The following NRG2 variants were observed in gnomAD, a reference collection of about 807,000 sequenced individuals.
NRG2 encodes pro-neuregulin-2, membrane-bound isoform.
In NRG2, 27 loss-of-function variants were observed where a neutral mutation model predicts 73.9. That is an observed-to-expected ratio of 0.37 (90% confidence interval 0.27 to 0.50). The LOEUF is 0.50. NRG2 is among the 20% of genes least tolerant of loss of function. The pLI, the probability that NRG2 is intolerant of heterozygous loss-of-function variation, is 0.96. For synonymous variants in NRG2, 532 were observed against 541.0 expected (o/e 0.98, Z 0.23); for missense variants, 1,126 against 1,210.1 (o/e 0.93, Z 1.03).
rs142124970 is a variant in NRG2, at chr5:139,893,514, A to G, written c.701-6003T>C. 2.4e-4 allele frequency among the ~76,000 whole-genome samples: 36 copies of G among 152,294 alleles called. 1 individual carries two copies. In the East Asian group the frequency reaches 6.9e-3, roughly 29 times the overall value. ...CCAGCACTCTGCACCCATGGCCATT[A>G]CTGACACCCTGATCCCTGCAGCAGC... On this transcript the variant is annotated intron_variant, in intron 1 of 9. Transcript: ENST00000361474.
intron 5 of NRG2, chr5:139,864,978 G>T: frequency 2.6e-6 from 2 of 773,998 alleles, no homozygotes; most frequent in Non-Finnish European, 4.7e-6. Flanking sequence ...GGGGTGCCGG[G>T]GGTGTTTCCG....
At chr5:139,976,590 A>T (rs541707836) in intron 1 of NRG2, among the ~76,000 whole-genome samples, 2 of 152,320 alleles carry the variant, frequency 1.3e-5, no homozygotes, top group East Asian at 3.9e-4. Flanking sequence ...TAGCCCCTAA[A>T]TCCTCTGGGA....
rs1759093456 is a variant in NRG2, at chr5:140,008,561, G to A, written c.700+33809C>T. On this transcript the variant is annotated intron_variant, in intron 1 of 9. Transcript: ENST00000361474. This position sits in a 1 kb window ranked among gnomAD's most constrained non-coding sequence, Gnocchi z 4.2. ...GCTCATCTTTACCTGAGCTAGCTTG[G>A]GAGATTCTAACTTTGGCTTGTGACC... Among the ~76,000 whole-genome samples the A allele has an allele frequency of 6.6e-6, 1 of 152,106 alleles. No individual in the cohort carries two copies. Among genetic ancestry groups the A allele is most frequent in the African/African-American group, 2.4e-5 (1 of 41,388 alleles).
At chr5:140,016,894 G>A (rs1324094171) in intron 1 of NRG2, among the ~76,000 whole-genome samples, 1 of 152,200 alleles carries the variant, frequency 6.6e-6, no homozygotes, top group African/African-American at 2.4e-5. Flanking sequence ...AGATGTTGCT[G>A]ATGAAGTCAG....
chr5:140,040,905 T>C (rs565640134), intron 1 of NRG2, among the ~76,000 whole-genome samples: 3 of 152,188 alleles, frequency 2.0e-5, no homozygotes, highest in Non-Finnish European at 2.9e-5. Context: ...AGCGATAAAC[T>C]GCTGTTATCC....
chr5:139,885,985 A>AG, intron 2 of NRG2, among the ~76,000 whole-genome samples: 1 of 151,812 alleles, frequency 6.6e-6, no homozygotes, highest in East Asian at 1.9e-4. Context: ...GGCAGTGAGA[A>AG]GGGGTGGGGT....
At chr5:139,970,141 T>C (rs1197874888) in intron 1 of NRG2, among the ~76,000 whole-genome samples, 1 of 152,194 alleles carries the variant, frequency 6.6e-6, no homozygotes, top group Non-Finnish European at 1.5e-5. Flanking sequence ...GGTTTTGTAT[T>C]ACAAGAAGGC....
intron 1 of NRG2, among the ~76,000 whole-genome samples, chr5:140,036,760 T>C (rs1260009321): frequency 6.6e-6 from 1 of 152,240 alleles, no homozygotes; most frequent in African/African-American, 2.4e-5. Context: ...CTTTTACTTT[T>C]AGTGCAAATT....
chr5:139,849,441 G>A (rs1163786887), intron 9 of NRG2, among the ~76,000 whole-genome samples: 1 of 152,168 alleles, frequency 6.6e-6, no homozygotes, highest in Non-Finnish European at 1.5e-5. Context: ...CCCATGAGGT[G>A]TCTCTGCTTG....
chr5:139,893,560 G>A (rs952843993), intron 1 of NRG2, among the ~76,000 whole-genome samples: 7 of 152,176 alleles, frequency 4.6e-5, no homozygotes, highest in Non-Finnish European at 7.3e-5. Flanking sequence ...GAGACGAAAG[G>A]GGCAGGTGGC....
At chr5:139,885,699 G>A (rs1200741151) in intron 2 of NRG2, among the ~76,000 whole-genome samples, 1 of 151,920 alleles carries the variant, frequency 6.6e-6, no homozygotes, top group Non-Finnish European at 1.5e-5. Context: ...TGGTACCAGG[G>A]CTCTGTGGGT....
intron 5 of NRG2, among the ~76,000 whole-genome samples, chr5:139,864,448 G>A (rs1284052688): frequency 6.8e-6 from 1 of 146,952 alleles, no homozygotes; most frequent in East Asian, 2.0e-4. Context: ...GTTGAAGAAA[G>A]GAAGGGAATA....
chr5:139,992,909 C>T (rs1292016014), intron 1 of NRG2, among the ~76,000 whole-genome samples: 1 of 152,068 alleles, frequency 6.6e-6, no homozygotes, highest in Non-Finnish European at 1.5e-5. Flanking sequence ...TCTTAAACAC[C>T]ATGGTTTGGT....
At chr5:139,946,397 T>A (rs1405679073) in intron 1 of NRG2, among the ~76,000 whole-genome samples, 2 of 152,090 alleles carry the variant, frequency 1.3e-5, no homozygotes, top group Non-Finnish European at 2.9e-5. Context: ...TAACAAATTG[T>A]TCTGAGACAA....
chr5:139,909,389 G>T (rs577640863), intron 1 of NRG2, among the ~76,000 whole-genome samples: 3 of 152,156 alleles, frequency 2.0e-5, no homozygotes, highest in Admixed American at 2.0e-4. Context: ...CTGCAAGGGG[G>T]TCTTGGGAAC....
chr5:140,023,496 G>T (rs1760405840), intron 1 of NRG2, among the ~76,000 whole-genome samples: 1 of 151,942 alleles, frequency 6.6e-6, no homozygotes, highest in African/African-American at 2.4e-5. Flanking sequence ...TTACCTTTTT[G>T]CAATTATTAT....
rs1251779099 is a variant in NRG2, at chr5:139,869,051, C to T, written c.1112+2670G>A. On this transcript the variant is annotated intron_variant, in intron 4 of 9. Transcript: ENST00000361474. This position sits in a 1 kb window ranked among gnomAD's most constrained non-coding sequence, Gnocchi z 4.5. Reference sequence around the variant, plus strand: ...AGCAGCAAGAGGGAGTGCAGAGGCCCCTGTCTGGCCCAGACAGGGGACAGT... The same window carrying T: ...AGCAGCAAGAGGGAGTGCAGAGGCCTCTGTCTGGCCCAGACAGGGGACAGT... 5.9e-5 allele frequency among the ~76,000 whole-genome samples: 9 copies of T among 152,072 alleles called. No individual in the cohort carries two copies. Among genetic ancestry groups the T allele is most frequent in the African/African-American group, 2.2e-4 (9 of 41,376 alleles).
At chr5:139,848,857 T>C (rs1317988724) in intron 9 of NRG2, among the ~76,000 whole-genome samples, 160 bp from the exon 10 acceptor site, 1 of 152,190 alleles carries the variant, frequency 6.6e-6, no homozygotes, top group Non-Finnish European at 1.5e-5. Context: ...TCAGTGGCCT[T>C]ATGCAATTTC....
chr5:140,039,689 C>T (rs1019596566), intron 1 of NRG2, among the ~76,000 whole-genome samples: 1 of 151,970 alleles, frequency 6.6e-6, no homozygotes, highest in South Asian at 2.1e-4. Flanking sequence ...ATATTTTGCC[C>T]CCCTCCAAAA....
Sources: allele counts gnomAD v4.1 joint callset (sites outside exome capture counted in the v4.1 genomes callset), GRCh38; gene constraint gnomAD v4.1.1; non-coding constraint Gnocchi (gnomAD v3.1); transcripts MANE v1.5; gene names NCBI Gene and HGNC (gene_info 2026-07-23, HGNC 2026-07-21).